Variants in PLGRKT observed in about 807,000 individuals in gnomAD.
PLGRKT encodes the protein plasminogen receptor with a C-terminal lysine, also known as plasminogen receptor (KT).
In PLGRKT, 22 loss-of-function variants were observed where a neutral mutation model predicts 18.5. The ratio of observed to expected loss-of-function variants is 1.19; its 90% CI spans 0.85 to 1.70. PLGRKT has a LOEUF of 1.70. PLGRKT is among the 40% of genes most tolerant of loss of function. PLGRKT has a pLI of 0.00. For synonymous variants in PLGRKT, 72 were observed against 52.8 expected (o/e 1.36, Z -1.58); for missense variants, 235 against 174.4 (o/e 1.35, Z -1.96).
At chr9:5,424,668 T>TTATATATATATATATGTATATATA (rs1554634175) in intron 3 of PLGRKT, among the ~76,000 whole-genome samples, 18 of 113,170 alleles carry the variant, frequency 1.6e-4, no homozygotes, top group African/African-American at 7.0e-4. Flanking sequence ...ATTATATATT[T>TTATATATATATATATGTATATATA]TATATATATA....
At chr9:5,431,279 A>C (rs1818816946) in intron 3 of PLGRKT, among the ~76,000 whole-genome samples, 1 of 152,088 alleles carries the variant, frequency 6.6e-6, no homozygotes, top group Non-Finnish European at 1.5e-5. Context: ...CATACCTGTA[A>C]TTCCAGCAAT....
intron 2 of PLGRKT, among the ~76,000 whole-genome samples, chr9:5,433,238 G>T (rs1253795848): frequency 6.7e-6 from 1 of 149,980 alleles, no homozygotes; most frequent in African/African-American, 2.5e-5. Context: ...CCATCGTCTG[G>T]GATGTGAGGA....
At chr9:5,415,494 G>A (rs994702437) in intron 3 of PLGRKT, among the ~76,000 whole-genome samples, 1 of 152,078 alleles carries the variant, frequency 6.6e-6, no homozygotes, top group Non-Finnish European at 1.5e-5. Context: ...TCAAGAAGAA[G>A]CAGAATATTA....
At chr9:5,400,130 G>C (rs58816647) in intron 3 of PLGRKT, among the ~76,000 whole-genome samples, 2,438 of 151,914 alleles carry the variant, frequency 0.016, 108 homozygotes, top group African/African-American at 0.053. Context: ...TAATGTTAAA[G>C]TGCAGGGTCT....
chr9:5,420,503 G>C (rs1453541503), intron 3 of PLGRKT, among the ~76,000 whole-genome samples: 2 of 152,114 alleles, frequency 1.3e-5, no homozygotes, highest in African/African-American at 2.4e-5. Flanking sequence ...AGGAGGTATG[G>C]GCAGAAATGA....
chr9:5,390,016 A>G (rs1817917802), intron 3 of PLGRKT, among the ~76,000 whole-genome samples: 1 of 151,780 alleles, frequency 6.6e-6, no homozygotes, highest in Non-Finnish European at 1.5e-5. Flanking sequence ...AAGCACCAGG[A>G]AGGTGCCACT....
chr9:5,392,079 G>A (rs1817960026), intron 3 of PLGRKT, among the ~76,000 whole-genome samples: 1 of 151,944 alleles, frequency 6.6e-6, no homozygotes, highest in Non-Finnish European at 1.5e-5. Flanking sequence ...GCAGCAACAA[G>A]GCTAAGCATG....
chr9:5,414,227 T>C (rs959108292), intron 3 of PLGRKT, among the ~76,000 whole-genome samples: 3 of 152,152 alleles, frequency 2.0e-5, no homozygotes, highest in Non-Finnish European at 2.9e-5. Context: ...AGTGCAATGG[T>C]GCAATCTCGC....
chr9:5,423,526 T>C (rs1293602799), intron 3 of PLGRKT, among the ~76,000 whole-genome samples: 1 of 152,150 alleles, frequency 6.6e-6, no homozygotes, highest in African/African-American at 2.4e-5. Flanking sequence ...CATATTCTAC[T>C]GACATGGTTC....
At chr9:5,410,723 C>T (rs1535454) in intron 3 of PLGRKT, among the ~76,000 whole-genome samples, 10,232 of 152,114 alleles carry the variant, frequency 0.067, 445 homozygotes, top group South Asian at 0.16. Flanking sequence ...TAAGGCAGAT[C>T]CACAGTAGAA....
chr9:5,428,411 G>A (rs545237040), intron 3 of PLGRKT, among the ~76,000 whole-genome samples: 3 of 152,270 alleles, frequency 2.0e-5, no homozygotes, highest in Admixed American at 1.3e-4. Context: ...CTTGGTCTCA[G>A]GGAAGGCAAG....
chr9:5,374,735 T>C (rs1387234136), intron 3 of PLGRKT, among the ~76,000 whole-genome samples: 2 of 152,212 alleles, frequency 1.3e-5, no homozygotes, highest in Non-Finnish European at 2.9e-5. Context: ...GATTTTAATA[T>C]AAAAACAAAA....
At chr9:5,431,875 G>A (rs1818833200) in intron 3 of PLGRKT, 22 bp downstream of exon 3, 1 of 1,172,840 alleles carries the variant, frequency 8.5e-7, no homozygotes, top group African/African-American at 1.5e-5. Flanking sequence ...CAACATAATA[G>A]CTTAATTATT....
At chr9:5,371,332 A>C (rs1817511024) in intron 3 of PLGRKT, among the ~76,000 whole-genome samples, 1 of 152,194 alleles carries the variant, frequency 6.6e-6, no homozygotes, top group Non-Finnish European at 1.5e-5. Flanking sequence ...GTCCCCACCC[A>C]AACCTCAACT....
At chr9:5,430,928 C>G (rs920895344) in intron 3 of PLGRKT, among the ~76,000 whole-genome samples, 2 of 152,228 alleles carry the variant, frequency 1.3e-5, no homozygotes, top group Non-Finnish European at 2.9e-5. Flanking sequence ...TTCTATCCAG[C>G]CACGTCTAAA....
In PLGRKT at chr9:5,383,231, C is replaced by T. The variant is rs917191937; in HGVS notation, c.82-21343G>A. ...GCAAAGAAGGATTCTCCCCTAGAGC[C>T]TTCAGAGAGACGGTGGGCTTGCTGA... On this transcript the variant is annotated intron_variant, in intron 3 of 5. Transcript: ENST00000223864. Among the ~76,000 whole-genome samples, 19 of 152,202 alleles carry T rather than the reference C, an allele frequency of 1.2e-4. 1 individual carries two copies. The highest frequency in any genetic ancestry group is 6.5e-5 in the Admixed American group (1 of 15,280).
At position 5,418,676 on chromosome 9, in the gene PLGRKT, G is replaced by A. The variant is rs1818512342; in HGVS notation, c.81+13221C>T. The stretch of plus-strand genomic sequence containing the variant: ...TGCTCCTTGGAGATGGGCAGGGGCA[G>A]CATGTAGCACCCACTGCCGGGAAGT... On this transcript the variant is annotated intron_variant, in intron 3 of 5. Coordinates refer to ENST00000223864, the MANE Select transcript of PLGRKT (RefSeq NM_018465.4). The surrounding 1 kb of genome is among the most constrained non-coding windows in gnomAD (Gnocchi z 4.2). 1 of 671,742 alleles carries A rather than the reference G, an allele frequency of 1.5e-6. No homozygotes were observed. Among genetic ancestry groups the A allele is most frequent in the South Asian group, 1.6e-5 (1 of 62,080 alleles). 41.6% of individuals were successfully genotyped at this position (671,742 alleles called of 1,614,324 possible).
chr9:5,400,553 G>C (rs1818135296), intron 3 of PLGRKT, among the ~76,000 whole-genome samples: 1 of 151,770 alleles, frequency 6.6e-6, no homozygotes, highest in South Asian at 2.1e-4. Context: ...CTACCAAACA[G>C]ATTCAAAGAT....
chr9:5,363,519 C>T (rs1817314635), intron 3 of PLGRKT, among the ~76,000 whole-genome samples: 1 of 152,138 alleles, frequency 6.6e-6, no homozygotes, highest in African/African-American at 2.4e-5. Flanking sequence ...CTTCACACCC[C>T]TTGGCCGCTG....
Sources: allele counts gnomAD v4.1 joint callset (sites outside exome capture counted in the v4.1 genomes callset), GRCh38; gene constraint gnomAD v4.1.1; non-coding constraint Gnocchi (gnomAD v3.1); transcripts MANE v1.5; gene names NCBI Gene and HGNC (gene_info 2026-07-23, HGNC 2026-07-21).